MMD2: variants seen among roughly 807,000 people sequenced by gnomAD.
MMD2 encodes monocyte to macrophage differentiation factor 2.
MMD2 carries 30 observed loss-of-function variants against 33.5 expected under a neutral mutation model. The ratio of observed to expected loss-of-function variants is 0.90; its 90% CI spans 0.67 to 1.22. MMD2 has a LOEUF of 1.22. Ranked by LOEUF, MMD2 falls within the 50% of genes most tolerant of loss-of-function variation. The pLI is 0.00. For missense variants in MMD2, 364 were observed against 325.4 expected (o/e 1.12, Z -0.91); for synonymous variants, 129 against 123.0 (o/e 1.05, Z -0.32).
chr7:4,934,204 A>G (rs1785673002), intron 1 of MMD2, among the ~76,000 whole-genome samples: 1 of 151,946 alleles, frequency 6.6e-6, no homozygotes, highest in Non-Finnish European at 1.5e-5. Flanking sequence ...TGCTGGGATT[A>G]CAGGCGTGAG....
chr7:4,908,279 C>T (rs552563787), intron 6 of MMD2, among the ~76,000 whole-genome samples: 10 of 151,362 alleles, frequency 6.6e-5, no homozygotes, highest in African/African-American at 2.2e-4. Flanking sequence ...GTAGCTGGGA[C>T]TACAGGCATG....
downstream of MMD2, among the ~76,000 whole-genome samples, chr7:4,902,527 A>C (rs567713415): frequency 3.9e-5 from 6 of 152,170 alleles, no homozygotes; most frequent in Non-Finnish European, 8.8e-5. Context: ...TGAAGACAGC[A>C]TCTAGAAACC....
In MMD2 at chr7:4,927,671, C is replaced by T. The variant is rs547435067; in HGVS notation, c.48-2139G>A. On this transcript the variant is annotated intron_variant, in intron 1 of 6. Transcript: ENST00000401401. ...GCAGTGAGCCGAGATTGTGCCACTG[C>T]ACTCCAGCCTGGGTGACAGAGAGAG... is the stretch of plus-strand genomic sequence containing the variant. 2.6e-5 allele frequency among the ~76,000 whole-genome samples: 4 copies of T among 152,272 alleles called. No homozygotes were observed. The East Asian group carries it at 7.7e-4, about 29-fold the overall frequency.
chr7:4,951,967 G>A (rs970457664), intron 1 of MMD2, among the ~76,000 whole-genome samples: 5 of 151,946 alleles, frequency 3.3e-5, no homozygotes, highest in African/African-American at 1.2e-4. Flanking sequence ...GAACTCCTGG[G>A]CTCTAGTGAT....
downstream of MMD2, among the ~76,000 whole-genome samples, chr7:4,904,135 G>A (rs577673580): frequency 9.2e-5 from 14 of 152,230 alleles, no homozygotes; most frequent in Admixed American, 5.2e-4. Context: ...GTTTCACCAC[G>A]TTGGCCAGGC....
intron 1 of MMD2, among the ~76,000 whole-genome samples, chr7:4,937,998 C>CTTTTTTTTTTTTT (rs1785791916): frequency 1.6e-5 from 1 of 62,730 alleles, no homozygotes; most frequent in Non-Finnish European, 3.2e-5. Context: ...TTTTTTCTTT[C>CTTTTTTTTTTTTT]TTTCTTTTTT....
intron 1 of MMD2, among the ~76,000 whole-genome samples, chr7:4,945,185 T>TTTCCTCTTCTTCTTCTTCTTCTTC (rs1554273329): frequency 2.1e-5 from 2 of 93,480 alleles, no homozygotes; most frequent in Non-Finnish European, 4.3e-5. Flanking sequence ...CCTCTTCCTC[T>TTTCCTCTTCTTCTTCTTCTTCTTC]TTCTTCTTCT....
rs962091573 is a variant in MMD2 at position 4,928,672 on chromosome 7, C to T, written c.48-3140G>A. 3.3e-5 allele frequency among the ~76,000 whole-genome samples: 5 copies of T among 151,238 alleles called. 1 individual carries two copies. The South Asian group carries it at 1.0e-3, about 32-fold the overall frequency. ...TCATGGAGCATTTATTAAGCACCTT[C>T]TGTGTGCTGGCTCCATGAAAAGTGC... On this transcript the variant is annotated intron_variant, in intron 1 of 6. Coordinates refer to ENST00000401401, the MANE Select transcript of MMD2 (RefSeq NM_198403.4).
chr7:4,946,085 G>T lies in MMD2; in HGVS notation c.47+12886C>A, dbSNP rs886835333. On this transcript the variant is annotated intron_variant, in intron 1 of 6. Coordinates refer to ENST00000401401, the MANE Select transcript of MMD2 (RefSeq NM_198403.4). The surrounding 1 kb of genome is among the most constrained non-coding windows in gnomAD (Gnocchi z 5.0). ...TGCACACACTCACACGCACGCACAC[G>T]CACGCACACACACGCATGCACACGC... is the stretch of plus-strand genomic sequence containing the variant. Among the ~76,000 whole-genome samples the T allele has an allele frequency of 3.3e-5, 5 of 150,208 alleles. No homozygotes were observed. The highest frequency in any genetic ancestry group is 7.4e-5 in the Non-Finnish European group (5 of 67,562).
chr7:4,900,350 T>A, the MMD2 span, among the ~76,000 whole-genome samples: 1 of 152,130 alleles, frequency 6.6e-6, no homozygotes, highest in South Asian at 2.1e-4. Flanking sequence ...GTGTGCACGT[T>A]CATAAGTGCG....
chr7:4,927,432 A>G (rs1785462072), intron 1 of MMD2, among the ~76,000 whole-genome samples: 1 of 152,028 alleles, frequency 6.6e-6, no homozygotes, highest in Non-Finnish European at 1.5e-5. Context: ...GTAATCCCAG[A>G]TACTTGGGAG....
chr7:4,911,297 C>T (rs1429807613), intron 4 of MMD2, 51 bp from the exon 5 acceptor site: 1 of 1,470,662 alleles, frequency 6.8e-7, no homozygotes, highest in Non-Finnish European at 9.3e-7. Context: ...CCACCAGGAC[C>T]CCGGCCCTCG....
intron 6 of MMD2, among the ~76,000 whole-genome samples, chr7:4,908,432 G>T (rs1007296310): frequency 5.9e-5 from 9 of 151,968 alleles, no homozygotes; most frequent in Non-Finnish European, 1.2e-4. Flanking sequence ...GGAAGCCACT[G>T]CGCCTGGCCT....
rs1173713098 is a variant in MMD2, at chr7:4,958,850, G to T, written c.47+121C>A. 13 of 861,104 alleles carry T rather than the reference G, an allele frequency of 1.5e-5. No homozygotes were observed. The East Asian group carries it at 4.1e-4, about 27-fold the overall frequency. 53.3% of individuals were successfully genotyped at this position (861,104 alleles called of 1,614,324 possible). A position where few individuals can be genotyped will look rare whatever the true frequency, so the allele number is the denominator to read the frequency against. On this transcript the variant is annotated intron_variant, in intron 1 of 6. Transcript: ENST00000401401. The stretch of plus-strand genomic sequence containing the variant: ...CTGGTTTTCTCGGGCGGGGGTCAGG[G>T]GTCCGCCGATCCCCTCTAGCGCTCC...
chr7:4,913,674 C>T (rs562304712), intron 4 of MMD2, among the ~76,000 whole-genome samples: 2 of 141,702 alleles, frequency 1.4e-5, no homozygotes, highest in Non-Finnish European at 3.0e-5. Context: ...GCCAAGATCA[C>T]GCCATTGCGT....
At chr7:4,896,794 A>T in the MMD2 span, among the ~76,000 whole-genome samples, 1 of 151,008 alleles carries the variant, frequency 6.6e-6, no homozygotes, top group East Asian at 2.0e-4. Context: ...CTTTAGTGTT[A>T]CTCCACCCCC....
chr7:4,920,180 C>T lies in MMD2; in HGVS notation c.281G>A (p.Ser94Asn). The T allele has an allele frequency of 1.3e-6, 2 of 1,562,012 alleles. No individual in the cohort carries two copies. The highest frequency in any genetic ancestry group is 1.7e-6 in the Non-Finnish European group (2 of 1,153,610). The change falls in exon 3 of 7, where the codon AGC becomes AAC. Residue 94 changes from serine to asparagine, a missense_variant. By Grantham distance (46) the Ser-to-Asn change is conservative. Coordinates refer to ENST00000401401, the MANE Select transcript of MMD2 (RefSeq NM_198403.4). ...TVFHTISWKK[S>N]HLRMVEHCLH... is the part of the protein sequence containing the mutation. ...TCTGGGCGGGAGGCACCTGAGGTGG[C>T]TCTTCTTCCAGGAGATGGTGTGAAA... is the stretch of plus-strand genomic sequence containing the variant.
chr7:4,912,111 A>C (rs1398838353), intron 4 of MMD2, among the ~76,000 whole-genome samples: 1 of 151,928 alleles, frequency 6.6e-6, no homozygotes, highest in African/African-American at 2.4e-5. Context: ...GTCTCAAAAA[A>C]ATTAAAAATA....
chr7:4,892,908 G>C, the MMD2 span, among the ~76,000 whole-genome samples: 1 of 151,990 alleles, frequency 6.6e-6, no homozygotes, highest in African/African-American at 2.4e-5. Context: ...TACAGGTGAG[G>C]GTTCACCATG....
Sources: gnomAD v4.1 joint callset for allele counts (sites outside exome capture counted in the v4.1 genomes callset) on GRCh38, gnomAD v4.1.1 for gene constraint, Gnocchi (gnomAD v3.1) non-coding constraint, MANE v1.5 for transcripts, NCBI Gene and HGNC (gene_info 2026-07-23, HGNC 2026-07-21) for gene names.